UNC13B: variants seen among roughly 807,000 people sequenced by gnomAD.
UNC13B encodes unc-13 homolog B, also known as protein unc-13 homolog B.
Under a neutral mutation model 211.0 loss-of-function variants are expected in UNC13B, and 144 were observed. The observed-to-expected ratio is 0.68, with a 90% CI of 0.60 to 0.78. The LOEUF (loss-of-function observed/expected upper bound fraction) is 0.78. UNC13B is among the 30% of genes least tolerant of loss of function. UNC13B has a pLI of 0.00. For synonymous variants in UNC13B, 709 were observed against 725.8 expected, an observed-to-expected ratio of 0.98 and a Z score of 0.37; for missense variants, 1,777 against 2,002.0, an observed-to-expected ratio of 0.89 and a Z score of 2.14.
At chr9:35,211,580 G>A (rs1823967748) in intron 1 of UNC13B, among the ~76,000 whole-genome samples, 1 of 152,106 alleles carries the variant, frequency 6.6e-6, no homozygotes, top group Non-Finnish European at 1.5e-5. Context: ...TTTTGCAAAT[G>A]TGCAAGTATA....
At chr9:35,247,145 C>T (rs1006104868) in intron 6 of UNC13B, among the ~76,000 whole-genome samples, 6 of 152,102 alleles carry the variant, frequency 3.9e-5, no homozygotes, top group African/African-American at 1.4e-4. Flanking sequence ...CATGATTTGG[C>T]TCTCTGTTTG....
At chr9:35,357,484 T>C (rs1833102295) in intron 11 of UNC13B, among the ~76,000 whole-genome samples, 1 of 152,074 alleles carries the variant, frequency 6.6e-6, no homozygotes, top group Admixed American at 6.5e-5. Context: ...ATAAGTCCCT[T>C]ATCAGATATA....
At chr9:35,374,790 T>G (rs1834290074) in intron 13 of UNC13B, among the ~76,000 whole-genome samples, 1 of 152,240 alleles carries the variant, frequency 6.6e-6, no homozygotes, top group Non-Finnish European at 1.5e-5. Flanking sequence ...CCTACTATAG[T>G]TCTAAGCTTT....
In UNC13B at chr9:35,290,429, A is replaced by G. The variant is rs1587550406; in HGVS notation, c.527-5267A>G. Among the ~76,000 whole-genome samples the G allele has an allele frequency of 2.0e-5, 3 of 151,680 alleles. No homozygotes were observed. In the East Asian group the frequency reaches 5.9e-4, roughly 30 times the overall value. ...GTTCACCAAACCTGAGCCTATCACAATAAATCTATGAGAAGCTAAGCCCTG... is the reference window on the plus strand; with the variant it reads ...GTTCACCAAACCTGAGCCTATCACAGTAAATCTATGAGAAGCTAAGCCCTG... On this transcript the variant is annotated intron_variant, in intron 7 of 39. Coordinates refer to ENST00000635942, the MANE Select transcript of UNC13B (RefSeq NM_001371189.2).
At position 35,302,960 on chromosome 9, in the gene UNC13B, ATAT is replaced by A; in HGVS notation, c.3558_3560del (p.Phe1187del). ...TAATACCCCAGGTTTAATCTCTGGA[ATAT>A]TTAACCTGCTATCAAATAGCGGTAT... On this transcript the variant is annotated inframe_deletion, in exon 9 of 40. Coordinates refer to ENST00000635942, the MANE Select transcript of UNC13B (RefSeq NM_001371189.2). The A allele has an allele frequency of 2.5e-6, 1 of 398,732 alleles. No homozygotes were observed. The highest frequency in any genetic ancestry group is 4.4e-6 in the Non-Finnish European group (1 of 225,774). The allele number at this position is 398,732 out of a possible 1,614,324, so 24.7% of individuals were successfully genotyped here.
intron 1 of UNC13B, among the ~76,000 whole-genome samples, chr9:35,187,173 A>G (rs995083378): frequency 1.3e-5 from 2 of 152,164 alleles, no homozygotes; most frequent in African/African-American, 2.4e-5. Flanking sequence ...TTTCCATGTA[A>G]AATTTTACTT....
At chr9:35,297,561 T>TTTTTTTTTGTTTTTTTG in intron 8 of UNC13B, among the ~76,000 whole-genome samples, 3 of 128,164 alleles carry the variant, frequency 2.3e-5, no homozygotes, top group Admixed American at 7.8e-5. Flanking sequence ...TTTTTTTTTT[T>TTTTTTTTTGTTTTTTTG]TTTTTTGAGA....
intron 6 of UNC13B, among the ~76,000 whole-genome samples, chr9:35,253,012 A>C (rs1295041842): frequency 2.0e-5 from 3 of 152,192 alleles, no homozygotes; most frequent in Non-Finnish European, 4.4e-5. Flanking sequence ...ATTCTCTTTT[A>C]TATTTTTAGA....
At chr9:35,165,859 C>G (rs895179383) in intron 1 of UNC13B, among the ~76,000 whole-genome samples, 4 of 152,094 alleles carry the variant, frequency 2.6e-5, no homozygotes, top group Non-Finnish European at 4.4e-5. Flanking sequence ...TTTTGGGCTT[C>G]CATAGGGACC....
At chr9:35,375,919 G>A in intron 14 of UNC13B, 109 bp from the exon 15 acceptor site, 2 of 1,065,510 alleles carry the variant, frequency 1.9e-6, no homozygotes, top group Non-Finnish European at 2.8e-6. Context: ...GGTGGAGGTT[G>A]CAATGAGCCG....
intron 1 of UNC13B, among the ~76,000 whole-genome samples, chr9:35,184,849 AAAAG>A (rs59152942): frequency 0.57 from 81,444 of 143,946 alleles, 23,492 homozygotes; most frequent in African/African-American, 0.6. Context: ...AGAAAGAAAG[AAAAG>A]AAAGAAAGAA....
chr9:35,233,364 G>C (rs771615586), intron 3 of UNC13B, among the ~76,000 whole-genome samples: 2 of 152,122 alleles, frequency 1.3e-5, no homozygotes, highest in Non-Finnish European at 2.9e-5. Flanking sequence ...TGACCCTGCT[G>C]TGATATGTGT....
At chr9:35,398,504 G>C in intron 31 of UNC13B, 50 bp from the exon 32 acceptor site, 1 of 1,574,398 alleles carries the variant, frequency 6.4e-7, no homozygotes, top group Non-Finnish European at 8.7e-7. Flanking sequence ...TGGCAGGGTA[G>C]AAGAGGGTAA....
Position 35,400,330 on chromosome 9 carries a change from A to C in UNC13B, c.12371A>C (p.Lys4124Thr). ...CATGCAGGAGGCAATGGGCTGAAGA[A>C]AACCTTCCTGGAGAAGAGCCCAGAT... Reference protein sequence around the residue: ...YFHAGGNGLKKTFLEKSPDLQ... With the variant: ...YFHAGGNGLKTTFLEKSPDLQ... Residue 4124 changes from lysine to threonine, a missense_variant, in exon 37 of 40, where the codon AAA becomes ACA. Physicochemically the swap from Lys to Thr is moderately conservative, Grantham distance 78 (BLOSUM62 -1). Coordinates refer to ENST00000635942, the MANE Select transcript of UNC13B (RefSeq NM_001371189.2). The C allele has an allele frequency of 1.2e-6, 2 of 1,614,178 alleles. No homozygotes were observed. Among genetic ancestry groups the C allele is most frequent in the Non-Finnish European group, 1.7e-6 (2 of 1,180,002 alleles).
chr9:35,271,597 A>G (rs939131377), intron 7 of UNC13B, among the ~76,000 whole-genome samples: 1 of 152,214 alleles, frequency 6.6e-6, no homozygotes, highest in African/African-American at 2.4e-5. Context: ...AAAGTTTCTA[A>G]GGTATTTACA....
Position 35,399,718 on chromosome 9 carries a change from G to A in UNC13B, c.12325G>A (p.Asp4109Asn), listed in dbSNP as rs1349519239. The change falls in exon 36 of 40, where the codon GAC becomes AAC. Residue 4109 changes from aspartate to asparagine, a missense_variant. Coordinates refer to ENST00000635942, the MANE Select transcript of UNC13B (RefSeq NM_001371189.2). The stretch of plus-strand genomic sequence containing the variant: ...GTGTGCAGTCCTTGACCTCGCCCTG[G>A]ACACCATCAAGGTGGAGGCCCCCCC... ...KQCAVLDLAL[D>N]TIKQYFHAGG... 1 of 1,614,050 alleles carries A rather than the reference G, an allele frequency of 6.2e-7. No individual in the cohort carries two copies. The highest frequency in any genetic ancestry group is 2.2e-5 in the East Asian group (1 of 44,876).
At chr9:35,370,563 G>A (rs967521621) in intron 13 of UNC13B, among the ~76,000 whole-genome samples, 167 bp downstream of exon 13, 1 of 152,256 alleles carries the variant, frequency 6.6e-6, no homozygotes, top group African/African-American at 2.4e-5. Flanking sequence ...CAGGGACTGT[G>A]TTCTACCTCA....
chr9:35,258,226 A>T (rs980259420), intron 6 of UNC13B, among the ~76,000 whole-genome samples: 1 of 152,164 alleles, frequency 6.6e-6, no homozygotes, highest in African/African-American at 2.4e-5. Context: ...TGCCTGGCTG[A>T]GTTACATTTT....
intron 1 of UNC13B, among the ~76,000 whole-genome samples, chr9:35,208,942 CTGTTTATCCACCT>C (rs1169957192): frequency 6.6e-6 from 1 of 152,208 alleles, no homozygotes; most frequent in Non-Finnish European, 1.5e-5. Flanking sequence ...CTGTTTTTCA[CTGTTTATCCACCT>C]TGCAATTAAT....
Sources: allele counts gnomAD v4.1 joint callset (sites outside exome capture counted in the v4.1 genomes callset), GRCh38; gene constraint gnomAD v4.1.1; transcripts MANE v1.5; gene names NCBI Gene and HGNC (gene_info 2026-07-23, HGNC 2026-07-21).